The following SLIT3 variants were observed in gnomAD, a reference collection of about 807,000 sequenced individuals.
SLIT3 encodes slit homolog 3 protein.
A neutral mutation model predicts 184.0 loss-of-function variants in SLIT3; 68 were observed. The observed-to-expected ratio is 0.37, with a 90% CI of 0.30 to 0.45. The LOEUF (loss-of-function observed/expected upper bound fraction) is 0.45. SLIT3 is among the 20% of genes least tolerant of loss of function. SLIT3 has a pLI of 1.00. For missense variants in SLIT3, 1,707 were observed against 2,026.0 expected (o/e 0.84, Z 3.02); for synonymous variants, 831 against 828.6 (o/e 1.00, Z -0.05).
chr5:169,147,038 A>G (rs1761948350), intron 4 of SLIT3, among the ~76,000 whole-genome samples: 1 of 152,152 alleles, frequency 6.6e-6, no homozygotes, highest in African/African-American at 2.4e-5. Context: ...CTAAATGTCA[A>G]TTGTTATTGT....
At chr5:169,220,963 C>T (rs931926232) in intron 3 of SLIT3, among the ~76,000 whole-genome samples, 9 of 152,304 alleles carry the variant, frequency 5.9e-5, no homozygotes, top group African/African-American at 2.2e-4. Context: ...CCATTTCCAG[C>T]TCTCACTCTT....
chr5:168,817,735 C>A (rs896754699), intron 7 of SLIT3, among the ~76,000 whole-genome samples: 1 of 152,188 alleles, frequency 6.6e-6, no homozygotes, highest in South Asian at 2.1e-4. Context: ...CTCAAGCAAG[C>A]CTCAGCACAT....
chr5:168,694,048 C>T (rs574676737), intron 28 of SLIT3, among the ~76,000 whole-genome samples: 1 of 152,162 alleles, frequency 6.6e-6, no homozygotes, highest in Non-Finnish European at 1.5e-5. Context: ...GCTGCTTGAC[C>T]TTGACTTTGG....
In SLIT3 at chr5:168,666,330, CTCT is replaced by C. The variant is rs1294783367; in HGVS notation, c.*121_*123del. On this transcript the variant is annotated 3_prime_UTR_variant, in exon 36 of 36. Coordinates refer to ENST00000519560, the MANE Select transcript of SLIT3 (RefSeq NM_003062.4). ...TTTATTTTACAATATACTTAATATT[CTCT>C]TCTTCTTTACCTTCCTCTCCAGCTT... The C allele has an allele frequency of 1.7e-5, 15 of 892,860 alleles. No homozygotes were observed. Among genetic ancestry groups the C allele is most frequent in the South Asian group, 1.5e-4 (6 of 40,626 alleles). The allele number at this position is 892,860 out of a possible 1,614,324, so 55.3% of individuals were successfully genotyped here. A position where few individuals can be genotyped will look rare whatever the true frequency, so the allele number is the denominator to read the frequency against.
intron 5 of SLIT3, among the ~76,000 whole-genome samples, chr5:168,858,508 C>T (rs1758984814): frequency 1.3e-5 from 2 of 152,194 alleles, no homozygotes; most frequent in East Asian, 3.8e-4. Flanking sequence ...GTTTCCAGAT[C>T]AAATGTGCTA....
intron 4 of SLIT3, among the ~76,000 whole-genome samples, chr5:169,101,073 A>G (rs1056938941): frequency 5.3e-5 from 8 of 152,194 alleles, no homozygotes; most frequent in African/African-American, 1.7e-4. Flanking sequence ...AATACTGAGC[A>G]TATTTCATTT....
chr5:168,742,515 C>A (rs1162355028), intron 20 of SLIT3, among the ~76,000 whole-genome samples: 1 of 118,428 alleles, frequency 8.4e-6, no homozygotes. Flanking sequence ...TCACCACGGC[C>A]TTTGAGACAT....
intron 4 of SLIT3, among the ~76,000 whole-genome samples, chr5:168,942,970 A>G (rs1167220152): frequency 6.6e-6 from 1 of 152,202 alleles, no homozygotes; most frequent in Non-Finnish European, 1.5e-5. Context: ...TGATCCTAAC[A>G]AACATTTAGA....
At chr5:169,240,957 C>A (rs1765386992) in intron 3 of SLIT3, among the ~76,000 whole-genome samples, 1 of 151,684 alleles carries the variant, frequency 6.6e-6, no homozygotes, top group Non-Finnish European at 1.5e-5. Context: ...AGCACTATTA[C>A]TTCCTGAATA....
At chr5:169,272,088 A>G (rs1222349123) in intron 1 of SLIT3, among the ~76,000 whole-genome samples, 2 of 152,218 alleles carry the variant, frequency 1.3e-5, no homozygotes, top group South Asian at 2.1e-4. Flanking sequence ...TAGGAGGCCC[A>G]TGGGTAAGGG....
chr5:168,797,194 T>C (rs937954592), intron 9 of SLIT3, among the ~76,000 whole-genome samples: 23 of 152,048 alleles, frequency 1.5e-4, no homozygotes, highest in Admixed American at 6.6e-4. Context: ...ACAGCAGACT[T>C]GAGGCAGCCT....
intron 14 of SLIT3, 60 bp downstream of exon 14, chr5:168,772,721 C>T (rs564579958): frequency 6.3e-7 from 1 of 1,590,800 alleles, no homozygotes; most frequent in East Asian, 2.2e-5. Flanking sequence ...GATTATTGGC[C>T]TCTCTGGGGC....
chr5:169,075,971 T>A (rs1758723773), intron 4 of SLIT3, among the ~76,000 whole-genome samples: 1 of 152,188 alleles, frequency 6.6e-6, no homozygotes, highest in African/African-American at 2.4e-5. Flanking sequence ...GGAGGGGTGA[T>A]AAGCTCAATT....
intron 12 of SLIT3, among the ~76,000 whole-genome samples, chr5:168,785,172 A>C (rs1276801168): frequency 6.6e-6 from 1 of 152,220 alleles, no homozygotes; most frequent in Non-Finnish European, 1.5e-5. Context: ...CACCCATAGT[A>C]CATGTGTGTA....
chr5:169,039,858 CA>C (rs1245556820), intron 4 of SLIT3, among the ~76,000 whole-genome samples: 1 of 152,210 alleles, frequency 6.6e-6, no homozygotes, highest in Non-Finnish European at 1.5e-5. Flanking sequence ...CAGCCAAAGG[CA>C]CCCTACCTAA....
intron 8 of SLIT3, among the ~76,000 whole-genome samples, chr5:168,816,236 G>A (rs550793769): frequency 2.5e-4 from 38 of 152,210 alleles, no homozygotes; most frequent in Non-Finnish European, 4.4e-4. Flanking sequence ...GCCCAGGATG[G>A]AGTACAGTGG....
At chr5:169,225,834 G>A (rs1250696066) in intron 3 of SLIT3, among the ~76,000 whole-genome samples, 1 of 152,224 alleles carries the variant, frequency 6.6e-6, no homozygotes, top group East Asian at 1.9e-4. Flanking sequence ...GGGAACCAAA[G>A]TTTGGTTTCT....
chr5:169,018,998 G>A (rs562043870), intron 4 of SLIT3, among the ~76,000 whole-genome samples: 1 of 152,148 alleles, frequency 6.6e-6, no homozygotes, highest in African/African-American at 2.4e-5. Flanking sequence ...GTCACGCCCC[G>A]AGTCTCCAGG....
At chr5:169,124,332 A>G (rs968488414) in intron 4 of SLIT3, among the ~76,000 whole-genome samples, 7 of 152,200 alleles carry the variant, frequency 4.6e-5, no homozygotes, top group Admixed American at 1.3e-4. Context: ...TTAAATACAC[A>G]TACACACACA....
Sources: allele counts gnomAD v4.1 joint callset (sites outside exome capture counted in the v4.1 genomes callset), GRCh38; gene constraint gnomAD v4.1.1; transcripts MANE v1.5; gene names NCBI Gene and HGNC (gene_info 2026-07-23, HGNC 2026-07-21).